The following ACTN1 variants were observed in gnomAD, a reference collection of about 807,000 sequenced individuals.
ACTN1 encodes the protein actinin alpha 1.
In ACTN1, 30 loss-of-function variants were observed where a neutral mutation model predicts 119.6. The observed-to-expected ratio is 0.25, with a 90% CI of 0.19 to 0.34. ACTN1 has a LOEUF of 0.34. Among genes scored for constraint, ACTN1 ranks in the 10% least tolerant of loss-of-function variants. The probability of loss-of-function intolerance (pLI) is 1.00; values close to 1 mark genes in which losing one functional copy is unlikely to be tolerated. For missense variants in ACTN1, 764 were observed against 1,223.4 expected (o/e 0.62, Z 5.60); for synonymous variants, 429 against 472.6 (o/e 0.91, Z 1.20).
rs1003361081 is a variant in ACTN1 at position 68,882,216 on chromosome 14, G to A, written c.1953+242C>T. ...CTCCCAAAGTGCTGGGATTACAGGC[G>A]TGAGCCCACAGGCAGCTTCTTAGTG... On this transcript the variant is annotated intron_variant, in intron 16 of 21. Coordinates refer to ENST00000394419, the MANE Select transcript of ACTN1 (RefSeq NM_001130004.2). This position sits in a 1 kb window ranked among gnomAD's most constrained non-coding sequence, Gnocchi z 4.5. 3.3e-5 allele frequency among the ~76,000 whole-genome samples: 5 copies of A among 152,152 alleles called. No individual in the cohort carries two copies. The highest frequency in any genetic ancestry group is 6.5e-5 in the Admixed American group (1 of 15,282).
chr14:68,932,451 T>C (rs2035263626), intron 1 of ACTN1, among the ~76,000 whole-genome samples: 1 of 151,398 alleles, frequency 6.6e-6, no homozygotes, highest in African/African-American at 2.4e-5. Context: ...CAAACTCCCC[T>C]TTATATATAC....
chr14:68,926,041 C>T (rs560677489), intron 1 of ACTN1, among the ~76,000 whole-genome samples: 1 of 152,328 alleles, frequency 6.6e-6, no homozygotes, highest in Non-Finnish European at 1.5e-5. Flanking sequence ...TTTCAATCTT[C>T]ACAGTTTTAA....
chr14:68,954,967 G>T (rs535396317), intron 1 of ACTN1, among the ~76,000 whole-genome samples: 35 of 152,258 alleles, frequency 2.3e-4, no homozygotes, highest in African/African-American at 8.2e-4. Context: ...TCAAGTCCCA[G>T]CTCCTCTTTA....
At position 68,882,716 on chromosome 14, in the gene ACTN1, A is replaced by C. The variant is rs2031665078; in HGVS notation, c.1819-124T>G. The C allele has an allele frequency of 5.9e-6, 9 of 1,518,846 alleles. No homozygotes were observed. Among genetic ancestry groups the C allele is most frequent in the Non-Finnish European group, 8.1e-6 (9 of 1,117,092 alleles). 94.1% of individuals were successfully genotyped at this position (1,518,846 alleles called of 1,614,324 possible). A position where few individuals can be genotyped will look rare whatever the true frequency, so the allele number is the denominator to read the frequency against. ...GTAACAGAACAGGAGTAAAGGTGTC[A>C]ACCTGTTCTGGAAACCCAGTCATTT... is the stretch of plus-strand genomic sequence containing the variant. On this transcript the variant is annotated intron_variant, in intron 15 of 21. Transcript: ENST00000394419. The surrounding 1 kb of genome is among the most constrained non-coding windows in gnomAD (Gnocchi z 4.5).
At chr14:68,929,792 C>G (rs1367437490) in intron 1 of ACTN1, among the ~76,000 whole-genome samples, 1 of 152,226 alleles carries the variant, frequency 6.6e-6, no homozygotes, top group Non-Finnish European at 1.5e-5. Context: ...CGCAAAACAG[C>G]CTGGACCCCT....
At chr14:68,891,930 T>G in intron 10 of ACTN1, 123 bp downstream of exon 10, 1 of 1,226,944 alleles carries the variant, frequency 8.2e-7, no homozygotes, top group Non-Finnish European at 1.1e-6. Flanking sequence ...TGGAGCAGTG[T>G]ATGTAGGTAG....
In ACTN1 at chr14:68,979,173, G is replaced by T. The variant is rs2037179472; in HGVS notation, c.-117C>A. The T allele has an allele frequency of 3.3e-6, 2 of 610,406 alleles. No individual in the cohort carries two copies. The highest frequency in any genetic ancestry group is 3.3e-5 in the Admixed American group (1 of 29,940). The allele number at this position is 610,406 out of a possible 1,614,324, so 37.8% of individuals were successfully genotyped here. On this transcript the variant is annotated 5_prime_UTR_variant, in exon 1 of 22. Coordinates refer to ENST00000394419, the MANE Select transcript of ACTN1 (RefSeq NM_001130004.2). ...GGCTGGGCTGGGCTGGCGGGGCCGG[G>T]CTCGCTCCCCTGCGCCCGGTTCCGC... is the stretch of plus-strand genomic sequence containing the variant.
At chr14:68,943,494 C>A (rs2035832179) in intron 1 of ACTN1, among the ~76,000 whole-genome samples, 1 of 152,150 alleles carries the variant, frequency 6.6e-6, no homozygotes, top group Admixed American at 6.5e-5. Flanking sequence ...GACACTGCAG[C>A]AAGGGCAGCC....
chr14:68,888,005 T>C (rs2032163865), intron 11 of ACTN1: 56 of 754,114 alleles, frequency 7.4e-5, no homozygotes, highest in Non-Finnish European at 1.2e-5. Flanking sequence ...TGCAGGAGGT[T>C]TAACTGACAA....
chr14:68,920,983 G>A lies in ACTN1; in HGVS notation c.340+23C>T, dbSNP rs201831256. On this transcript the variant is annotated intron_variant, in intron 3 of 21. Coordinates refer to ENST00000394419, the MANE Select transcript of ACTN1 (RefSeq NM_001130004.2). The stretch of plus-strand genomic sequence containing the variant: ...GGGACAAAGAAAATCAGGCTCCTTG[G>A]GGCCACCAGAGGTAGGCCTTACCTT... 6,407 of 1,612,804 alleles carry A rather than the reference G, an allele frequency of 4.0e-3. 16 individuals are homozygous for A. The highest frequency in any genetic ancestry group is 4.6e-3 in the Non-Finnish European group (5,381 of 1,179,268).
chr14:68,918,558 C>T (rs1249536141), intron 3 of ACTN1, among the ~76,000 whole-genome samples: 1 of 149,090 alleles, frequency 6.7e-6, no homozygotes, highest in Non-Finnish European at 1.5e-5. Flanking sequence ...ACACTCCAGC[C>T]TGGGCGACAG....
In ACTN1 at chr14:68,917,923, A is replaced by C. The variant is rs537649337; in HGVS notation, c.340+3083T>G. 2.0e-5 allele frequency among the ~76,000 whole-genome samples: 3 copies of C among 152,270 alleles called. No individual in the cohort carries two copies. In the East Asian group the frequency reaches 5.8e-4, roughly 29 times the overall value. On this transcript the variant is annotated intron_variant, in intron 3 of 21. Coordinates refer to ENST00000394419, the MANE Select transcript of ACTN1 (RefSeq NM_001130004.2). ...TGTACTAAAAATACAAAAATTAGCC[A>C]GGCGTGGTGGCACAAACCTGTAATC... is the stretch of plus-strand genomic sequence containing the variant.
At chr14:68,937,014 C>A (rs2035559608) in intron 1 of ACTN1, 1 of 324,718 alleles carries the variant, frequency 3.1e-6, no homozygotes, top group South Asian at 2.5e-5. Flanking sequence ...TCTCCCCTAA[C>A]CATTTCAACT....
chr14:68,937,841 T>G (rs2035597317), intron 1 of ACTN1, among the ~76,000 whole-genome samples: 1 of 152,130 alleles, frequency 6.6e-6, no homozygotes, highest in South Asian at 2.1e-4. Context: ...GCCAGCCCCC[T>G]GCTGTGTGGG....
chr14:68,955,285 A>G (rs192194908), intron 1 of ACTN1, among the ~76,000 whole-genome samples: 1 of 152,178 alleles, frequency 6.6e-6, no homozygotes, highest in Non-Finnish European at 1.5e-5. Context: ...TTGCCTGGGA[A>G]TGTCTCAAGG....
At position 68,892,159 on chromosome 14, in the gene ACTN1, T is replaced by C. The variant is rs749059853; in HGVS notation, c.980A>G (p.Lys327Arg). The C allele has an allele frequency of 1.4e-5, 22 of 1,614,120 alleles. No homozygotes were observed. The highest frequency in any genetic ancestry group is 1.9e-5 in the Non-Finnish European group (22 of 1,180,030). Residue 327 changes from lysine (K) to arginine (R), a missense_variant, in exon 10 of 22, where the codon AAG (lysine) becomes AGG (arginine). Physicochemically the swap from Lys to Arg is conservative, Grantham distance 26 (BLOSUM62 2). Around this residue, in one of 4 missense-constraint regions of ACTN1, gnomAD observed 544 missense variants for 912.0 expected, o/e 0.60. Coordinates refer to ENST00000394419, the MANE Select transcript of ACTN1 (RefSeq NM_001130004.2). Reference protein sequence around the residue: ...RDYRRLHKPPKVQEKCQLEIN... With the variant: ...RDYRRLHKPPRVQEKCQLEIN... ...CTCCAGCTGGCACTTCTCCTGCACCTTGGGCGGCTTGTGCAGGCGCCGGTA... is the reference window on the plus strand; with the variant it reads ...CTCCAGCTGGCACTTCTCCTGCACCCTGGGCGGCTTGTGCAGGCGCCGGTA...
intron 1 of ACTN1, among the ~76,000 whole-genome samples, chr14:68,975,954 T>G (rs939184661): frequency 1.3e-5 from 2 of 152,074 alleles, no homozygotes; most frequent in Admixed American, 1.3e-4. Flanking sequence ...TTAACCTGAT[T>G]CCCCAGAAGA....
At chr14:68,896,194 G>C (rs1166330491) in intron 8 of ACTN1, among the ~76,000 whole-genome samples, 1 of 152,112 alleles carries the variant, frequency 6.6e-6, no homozygotes, top group African/African-American at 2.4e-5. Flanking sequence ...CTGAAGTCCA[G>C]ATTTGATTTT....
chr14:68,978,186 G>A (rs1383204192), intron 1 of ACTN1: 7 of 456,140 alleles, frequency 1.5e-5, no homozygotes, highest in African/African-American at 1.0e-4. Context: ...CCCTCGTTCT[G>A]CAGCCCCTCA....
Sources: allele counts gnomAD v4.1 joint callset (sites outside exome capture counted in the v4.1 genomes callset), GRCh38; gene constraint gnomAD v4.1.1; regional missense constraint gnomAD v4.1.1; non-coding constraint Gnocchi (gnomAD v3.1); transcripts MANE v1.5; gene names NCBI Gene and HGNC (gene_info 2026-07-23, HGNC 2026-07-21).